PEDS1: variants seen among roughly 807,000 people sequenced by gnomAD.
PEDS1 encodes CarF homolog.
In PEDS1, 14 loss-of-function variants were observed where a neutral mutation model predicts 35.2. The ratio of observed to expected loss-of-function variants is 0.40; its 90% confidence interval spans 0.26 to 0.62. The LOEUF (loss-of-function observed/expected upper bound fraction) is 0.62. Ranked by LOEUF, PEDS1 falls within the 20% of genes least tolerant of loss-of-function variation. The pLI is 0.44. For synonymous variants in PEDS1, 152 were observed against 152.0 expected (o/e 1.00, Z 0.00); for missense variants, 260 against 367.8 (o/e 0.71, Z 2.40).
intron 1 of PEDS1, among the ~76,000 whole-genome samples, chr20:50,152,584 A>C (rs900987068): frequency 6.6e-6 from 1 of 152,112 alleles, no homozygotes; most frequent in African/African-American, 2.4e-5. Context: ...GCTGGAGCAT[A>C]TACAGTGAGC....
At chr20:50,147,012 C>T (rs986734455) in intron 1 of PEDS1, among the ~76,000 whole-genome samples, 12 of 152,090 alleles carry the variant, frequency 7.9e-5, no homozygotes, top group East Asian at 1.9e-4. Flanking sequence ...CACGGAGAGG[C>T]GGTGAGAAGG....
intron 5 of PEDS1, among the ~76,000 whole-genome samples, chr20:50,126,545 G>A (rs751048767): frequency 3.3e-5 from 5 of 152,152 alleles, no homozygotes; most frequent in African/African-American, 4.8e-5. Context: ...GCCAAACACC[G>A]CATTTGCCAT....
chr20:50,136,656 G>A (rs181290176), intron 2 of PEDS1, among the ~76,000 whole-genome samples: 8 of 146,020 alleles, frequency 5.5e-5, no homozygotes, highest in Non-Finnish European at 8.9e-5. Flanking sequence ...CTGGGAGGAA[G>A]AGGTAGCAGT....
At chr20:50,135,055 C>T (rs1019178673) in intron 2 of PEDS1, among the ~76,000 whole-genome samples, 1 of 151,554 alleles carries the variant, frequency 6.6e-6, no homozygotes, top group African/African-American at 2.4e-5. Flanking sequence ...TGTGGTGGTG[C>T]GGACCTGTAG....
chr20:50,130,227 C>A (rs948852208), intron 3 of PEDS1, among the ~76,000 whole-genome samples: 1 of 152,190 alleles, frequency 6.6e-6, no homozygotes, highest in Non-Finnish European at 1.5e-5. Flanking sequence ...GGGAGTGAGC[C>A]GTGGGACTTC....
intron 2 of PEDS1, among the ~76,000 whole-genome samples, chr20:50,139,232 C>A (rs770177499): frequency 6.6e-6 from 1 of 152,152 alleles, no homozygotes; most frequent in Non-Finnish European, 1.5e-5. Context: ...ACGAAGGACT[C>A]TGCTCCTTTA....
intron 2 of PEDS1, among the ~76,000 whole-genome samples, chr20:50,137,872 A>G (rs1056779178): frequency 2.0e-5 from 3 of 152,222 alleles, no homozygotes; most frequent in African/African-American, 7.2e-5. Context: ...CGTCTCAAAA[A>G]ACAAACAAAC....
chr20:50,132,718 A>G (rs2081192774), intron 2 of PEDS1, among the ~76,000 whole-genome samples: 1 of 152,208 alleles, frequency 6.6e-6, no homozygotes, highest in South Asian at 2.1e-4. Flanking sequence ...TTGTGGCTGC[A>G]TCCCAGCTCT....
rs1321505006 is a variant in PEDS1, at chr20:50,120,874, T to C, written c.*4184A>G. 1 of 151,456 alleles carries C rather than the reference T, an allele frequency of 6.6e-6. No individual in the cohort carries two copies. Among genetic ancestry groups the C allele is most frequent in the Non-Finnish European group, 1.5e-5 (1 of 68,232 alleles). 9.4% of individuals were successfully genotyped at this position (151,456 alleles called of 1,614,324 possible). On this transcript the variant is annotated 3_prime_UTR_variant, in exon 6 of 6. Transcript: ENST00000371652. ...AAAAGGCGGGGTGATGGAGTTTCAG[T>C]TGGGGGCAGGCGCCCAAAGGTATGT... is the stretch of plus-strand genomic sequence containing the variant.
intron 1 of PEDS1, among the ~76,000 whole-genome samples, chr20:50,151,832 C>T (rs1380535151): frequency 6.6e-6 from 1 of 152,126 alleles, no homozygotes; most frequent in Non-Finnish European, 1.5e-5. Context: ...GCACTCCAGC[C>T]TGGGCAACAG....
intron 1 of PEDS1, 21 bp downstream of exon 1, chr20:50,153,496 A>T: frequency 1.5e-6 from 2 of 1,344,548 alleles, no homozygotes; most frequent in Non-Finnish European, 1.9e-6. Context: ...GCAGGCCTGG[A>T]GGGGGGCCCA....
At chr20:50,152,086 G>A (rs1191955964) in intron 1 of PEDS1, among the ~76,000 whole-genome samples, 3 of 152,176 alleles carry the variant, frequency 2.0e-5, no homozygotes, top group Admixed American at 2.0e-4. Flanking sequence ...CTACCCCCAG[G>A]AGAGCAGGAG....
At chr20:50,125,321 C>G in intron 5 of PEDS1, 142 bp from the exon 6 acceptor site, 1 of 1,170,198 alleles carries the variant, frequency 8.5e-7, no homozygotes. Context: ...GGCCAAGGAA[C>G]TGGAAGTGGG....
At position 50,123,780 on chromosome 20, in the gene PEDS1, C is replaced by T. The variant is rs2081071220; in HGVS notation, c.*1278G>A. ...AAATCACCACCTGAATTTCCATGTG[C>T]ATTTATTTGTTTATTGACTCTTTTC... On this transcript the variant is annotated 3_prime_UTR_variant, in exon 6 of 6. Coordinates refer to ENST00000371652, the MANE Select transcript of PEDS1 (RefSeq NM_199129.4). 6.6e-6 allele frequency: 1 copy of T among 152,216 alleles called. No individual in the cohort carries two copies. The allele number at this position is 152,216 out of a possible 1,614,324, so 9.4% of individuals were successfully genotyped here.
At chr20:50,152,401 C>CA (rs1458391938) in intron 1 of PEDS1, among the ~76,000 whole-genome samples, 4 of 152,202 alleles carry the variant, frequency 2.6e-5, no homozygotes, top group Non-Finnish European at 5.9e-5. Flanking sequence ...ATTTGACAAA[C>CA]AAAGCTTCAT....
At chr20:50,152,086 G>C (rs1191955964) in intron 1 of PEDS1, among the ~76,000 whole-genome samples, 4 of 152,176 alleles carry the variant, frequency 2.6e-5, no homozygotes, top group Non-Finnish European at 5.9e-5. Flanking sequence ...CTACCCCCAG[G>C]AGAGCAGGAG....
Position 50,129,701 on chromosome 20 carries a change from G to A in PEDS1, c.334-11C>T. 1.2e-6 allele frequency: 2 copies of A among 1,613,532 alleles called. No homozygotes were observed. The highest frequency in any genetic ancestry group is 2.7e-5 in the African/African-American group (2 of 75,014). On this transcript the variant is annotated splice_polypyrimidine_tract_variant and intron_variant, in intron 3 of 5. Transcript: ENST00000371652. The surrounding 1 kb of genome is among the most constrained non-coding windows in gnomAD (Gnocchi z 4.2). ...GGGTCGGATGAAAGCCTGGAGTTGA[G>A]GGGGACACAGCCCCAGCAGTCAGCC...
intron 5 of PEDS1, among the ~76,000 whole-genome samples, chr20:50,126,546 C>A (rs1336128552): frequency 6.6e-6 from 1 of 152,326 alleles, no homozygotes; most frequent in East Asian, 1.9e-4. Flanking sequence ...CCAAACACCG[C>A]ATTTGCCATT....
intron 1 of PEDS1, among the ~76,000 whole-genome samples, chr20:50,143,864 AT>A: frequency 6.6e-6 from 1 of 151,914 alleles, no homozygotes. Flanking sequence ...TGCCCGGCTA[AT>A]TTTTATATTT....
Sources: gnomAD v4.1 joint callset for allele counts (sites outside exome capture counted in the v4.1 genomes callset) on GRCh38, gnomAD v4.1.1 for gene constraint, Gnocchi (gnomAD v3.1) non-coding constraint, MANE v1.5 for transcripts, NCBI Gene and HGNC (gene_info 2026-07-23, HGNC 2026-07-21) for gene names.